DNAJC13: variants seen among roughly 807,000 people sequenced by gnomAD.
The protein encoded by DNAJC13 is DnaJ heat shock protein family (Hsp40) member C13, also known as dnaJ homolog subfamily C member 13.
In DNAJC13, 75 loss-of-function variants were observed where a neutral mutation model predicts 290.5. That is an observed-to-expected ratio of 0.26 (90% confidence interval 0.21 to 0.31). DNAJC13 has a LOEUF of 0.31. Ranked by LOEUF, DNAJC13 falls within the 10% of genes least tolerant of loss-of-function variation. The pLI, the probability that DNAJC13 is intolerant of heterozygous loss-of-function variation, is 1.00. For missense variants in DNAJC13, 2,260 were observed against 2,674.5 expected, an observed-to-expected ratio of 0.85 and a Z score of 3.42; for synonymous variants, 862 against 892.0, an observed-to-expected ratio of 0.97 and a Z score of 0.60.
chr3:132,531,868 G>A (rs1205364515), intron 55 of DNAJC13, among the ~76,000 whole-genome samples: 2 of 152,098 alleles, frequency 1.3e-5, no homozygotes, highest in East Asian at 3.9e-4. Context: ...TTTAGGGTGT[G>A]TCGTTTTATG....
At chr3:132,516,351 C>T in intron 46 of DNAJC13, 71 bp from the exon 47 acceptor site, 4 of 1,412,902 alleles carry the variant, frequency 2.8e-6, no homozygotes, top group Non-Finnish European at 4.0e-6. Context: ...AAGTGCCTGG[C>T]ACAGAGCTGG....
In DNAJC13 at chr3:132,538,695, G is replaced by A. The variant is rs1444180387; in HGVS notation, c.*413G>A. The A allele has an allele frequency of 1.9e-5, 3 of 157,618 alleles. No individual in the cohort carries two copies. The highest frequency in any genetic ancestry group is 4.2e-5 in the Non-Finnish European group (3 of 72,002). The allele number at this position is 157,618 out of a possible 1,614,324, so 9.8% of individuals were successfully genotyped here. A position where few individuals can be genotyped will look rare whatever the true frequency, so the allele number is the denominator to read the frequency against. On this transcript the variant is annotated 3_prime_UTR_variant, in exon 56 of 56. Coordinates refer to ENST00000260818, the MANE Select transcript of DNAJC13 (RefSeq NM_015268.4). ...CCAGGAAAGAATATTTCCCTCTCCT[G>A]CATCAAGTCTGCGTGGCCATCCTCC...
intron 42 of DNAJC13, among the ~76,000 whole-genome samples, chr3:132,506,045 C>CTTTTTTTTTTTTTTTTTTTTTTT (rs573857472): frequency 2.8e-5 from 2 of 72,676 alleles, no homozygotes; most frequent in Non-Finnish European, 5.4e-5. Context: ...TGTACATTAT[C>CTTTTTTTTTTTTTTTTTTTTTTT]TTTTTTTTTT....
chr3:132,420,481 C>T (rs1938923084), intron 1 of DNAJC13, among the ~76,000 whole-genome samples: 1 of 152,144 alleles, frequency 6.6e-6, no homozygotes, highest in Non-Finnish European at 1.5e-5. Flanking sequence ...ACCGAGAGTG[C>T]TGCCCTCCTG....
chr3:132,450,677 G>T lies in DNAJC13; in HGVS notation c.367G>T (p.Asp123Tyr). ...CAACTGCTATAAGCATCACTGGAGT[G>T]ACTCAAGAAAACCTGTAATTTTGGA... is the stretch of plus-strand genomic sequence containing the variant. ...RYNCYKHHWS[D>Y]SRKPVILEVT... is the part of the protein sequence containing the mutation. The change falls in exon 6 of 56, where the codon GAC (aspartate) becomes TAC (tyrosine). Residue 123 changes from aspartate to tyrosine, a missense_variant. Around this residue, in one of 3 missense-constraint regions of DNAJC13, gnomAD observed 762 missense variants for 964.1 expected, o/e 0.79. Transcript: ENST00000260818. 1 of 1,612,936 alleles carries T rather than the reference G, an allele frequency of 6.2e-7. No individual in the cohort carries two copies. The highest frequency in any genetic ancestry group is 1.1e-5 in the South Asian group (1 of 91,006).
At chr3:132,488,506 C>A in intron 30 of DNAJC13, 54 bp downstream of exon 30, 1 of 1,472,546 alleles carries the variant, frequency 6.8e-7, no homozygotes, top group Non-Finnish European at 9.1e-7. Context: ...TTTATATGGA[C>A]TGATTTAATT....
chr3:132,446,053 C>T (rs570789075), intron 2 of DNAJC13, among the ~76,000 whole-genome samples: 22 of 151,832 alleles, frequency 1.4e-4, no homozygotes, highest in Non-Finnish European at 2.8e-4. Flanking sequence ...TGACCAGTTG[C>T]CCCAGGCCAT....
intron 20 of DNAJC13, among the ~76,000 whole-genome samples, chr3:132,469,993 A>G (rs868864443): frequency 3.6e-5 from 1 of 27,402 alleles, no homozygotes; most frequent in African/African-American, 1.4e-4. Flanking sequence ...TTTTTTTTTT[A>G]ATTTATTTTT....
At chr3:132,471,360 C>T (rs1333730798) in intron 20 of DNAJC13, among the ~76,000 whole-genome samples, 1 of 147,580 alleles carries the variant, frequency 6.8e-6, no homozygotes, top group Non-Finnish European at 1.5e-5. Flanking sequence ...CCCCCACCTC[C>T]CTCCCGGACG....
At chr3:132,493,514 TCA>T (rs1208870714) in intron 33 of DNAJC13, among the ~76,000 whole-genome samples, 5 of 152,066 alleles carry the variant, frequency 3.3e-5, no homozygotes, top group Non-Finnish European at 2.9e-5. Flanking sequence ...TCTTAGAATC[TCA>T]GTGTTTTTAT....
At chr3:132,497,599 A>T (rs115065998) in intron 36 of DNAJC13, among the ~76,000 whole-genome samples, 1 of 152,250 alleles carries the variant, frequency 6.6e-6, no homozygotes. Context: ...GAATACGTTT[A>T]TAATACATTT....
At chr3:132,510,950 G>A in intron 43 of DNAJC13, 117 bp from the exon 44 acceptor site, 1 of 1,103,158 alleles carries the variant, frequency 9.1e-7, no homozygotes, top group Non-Finnish European at 1.3e-6. Flanking sequence ...GTGTATTCAT[G>A]TGTATGTATA....
intron 1 of DNAJC13, among the ~76,000 whole-genome samples, chr3:132,428,835 A>T (rs1292740415): frequency 6.6e-6 from 1 of 152,126 alleles, no homozygotes; most frequent in Non-Finnish European, 1.5e-5. Flanking sequence ...CCTGGATTCA[A>T]ACAATTCTCC....
intron 16 of DNAJC13, among the ~76,000 whole-genome samples, chr3:132,463,421 C>T (rs538728671): frequency 1.3e-5 from 2 of 152,302 alleles, no homozygotes; most frequent in East Asian, 3.9e-4. Flanking sequence ...CAGCTATACA[C>T]AGAGGGAGTG....
rs573675891 is a variant in DNAJC13 at position 132,524,890 on chromosome 3, T to G, written c.6061-720T>G. On this transcript the variant is annotated intron_variant, in intron 51 of 55. Coordinates refer to ENST00000260818, the MANE Select transcript of DNAJC13 (RefSeq NM_015268.4). ...CCGTTATCCACAATAGAAAGTGCTT[T>G]GTGGGAGCCAGACATGTTAAATAGT... Among the ~76,000 whole-genome samples, 15 of 152,346 alleles carry G rather than the reference T, an allele frequency of 9.8e-5. No individual in the cohort carries two copies. The South Asian group carries it at 3.1e-3, about 32-fold the overall frequency.
At chr3:132,503,184 A>G (rs1037276362) in intron 40 of DNAJC13, 30 bp from the exon 41 acceptor site, 5 of 1,608,762 alleles carry the variant, frequency 3.1e-6, no homozygotes, top group South Asian at 2.2e-5. Context: ...TAACAGATCT[A>G]CTTTAACAAC....
chr3:132,437,336 G>C lies in DNAJC13; in HGVS notation c.68+2718G>C, dbSNP rs571480454. Among the ~76,000 whole-genome samples the C allele has an allele frequency of 3.3e-5, 5 of 152,264 alleles. No individual in the cohort carries two copies. The East Asian group carries it at 9.6e-4, about 29-fold the overall frequency. Reference sequence around the variant, plus strand: ...TTGATGGTATTGTTTGGAGCACAAAGCTTTTAATTTGATGAAATCCAATTT... The same window carrying C: ...TTGATGGTATTGTTTGGAGCACAAACCTTTTAATTTGATGAAATCCAATTT... On this transcript the variant is annotated intron_variant, in intron 2 of 55. Coordinates refer to ENST00000260818, the MANE Select transcript of DNAJC13 (RefSeq NM_015268.4).
At chr3:132,457,160 C>T (rs1254905740) in intron 12 of DNAJC13, 109 bp from the exon 13 acceptor site, 10 of 773,820 alleles carry the variant, frequency 1.3e-5, no homozygotes, top group Middle Eastern at 2.6e-4. Context: ...ATTTAAAATA[C>T]GTCATTGTTC....
At chr3:132,448,455 A>G (rs1003123384) in intron 5 of DNAJC13, among the ~76,000 whole-genome samples, 9 of 152,128 alleles carry the variant, frequency 5.9e-5, no homozygotes, top group Admixed American at 1.3e-4. Context: ...AGTCGTCTTA[A>G]CTTTCCCAGG....
Sources: allele counts gnomAD v4.1 joint callset (sites outside exome capture counted in the v4.1 genomes callset), GRCh38; gene constraint gnomAD v4.1.1; regional missense constraint gnomAD v4.1.1; transcripts MANE v1.5; gene names NCBI Gene and HGNC (gene_info 2026-07-23, HGNC 2026-07-21).